Variants in PPP1R37 observed in about 807,000 individuals in gnomAD.
PPP1R37 encodes leucine rich repeat containing 68.
In PPP1R37, 21 loss-of-function variants were observed where a neutral mutation model predicts 61.0. The ratio of observed to expected loss-of-function variants is 0.34; its 90% CI spans 0.24 to 0.50. The LOEUF (loss-of-function observed/expected upper bound fraction) is 0.50. Ranked by LOEUF, PPP1R37 falls within the 20% of genes least tolerant of loss-of-function variation. The probability of loss-of-function intolerance (pLI) is 0.98; values close to 1 mark genes in which losing one functional copy is unlikely to be tolerated. For synonymous variants in PPP1R37, 443 were observed against 433.5 expected, an observed-to-expected ratio of 1.02 and a Z score of -0.27; for missense variants, 910 against 952.7, an observed-to-expected ratio of 0.96 and a Z score of 0.59.
At position 45,142,083 on chromosome 19, in the gene PPP1R37, A is replaced by T; in HGVS notation, c.590A>T (p.Asp197Val). 3 of 1,526,398 alleles carry T rather than the reference A, an allele frequency of 2.0e-6. No individual in the cohort carries two copies. The highest frequency in any genetic ancestry group is 2.6e-6 in the Non-Finnish European group (3 of 1,141,644). 94.6% of individuals were successfully genotyped at this position (1,526,398 alleles called of 1,614,324 possible). Residue 197 changes from aspartate (D) to valine (V), a missense_variant, in exon 6 of 13, where the codon GAC becomes GTC. Asp to Val is a radical substitution (Grantham distance 152). Transcript: ENST00000221462. Reference protein sequence around the residue: ...MRKTSCLQYLDARNTPLLDHS... With the variant: ...MRKTSCLQYLVARNTPLLDHS... ...CAGACGAGCTGCCTGCAGTATCTGG[A>T]CGCCCGCAACACGCCCCTGCTGGAC... is the stretch of plus-strand genomic sequence containing the variant.
intron 1 of PPP1R37, among the ~76,000 whole-genome samples, chr19:45,124,397 G>A (rs183475560): frequency 2.6e-5 from 4 of 152,228 alleles, no homozygotes; most frequent in Middle Eastern, 3.4e-3. Flanking sequence ...GGTCCAGATT[G>A]TCTATTTTTC....
chr19:45,102,341 T>C (rs1968074812), intron 1 of PPP1R37, among the ~76,000 whole-genome samples: 1 of 152,242 alleles, frequency 6.6e-6, no homozygotes. Context: ...GAAATGGCAG[T>C]AACCTGAGAG....
Position 45,146,596 on chromosome 19 carries a change from T to A in PPP1R37, c.*34T>A. On this transcript the variant is annotated 3_prime_UTR_variant, in exon 13 of 13. Transcript: ENST00000221462. ...TTCCCTTTTTCCGGTCGGTCTGCGA[T>A]GAGCTGAGGCCAGAGCCATGAGAAT... is the stretch of plus-strand genomic sequence containing the variant. 1 of 721,830 alleles carries A rather than the reference T, an allele frequency of 1.4e-6. No homozygotes were observed. The highest frequency in any genetic ancestry group is 1.7e-5 in the South Asian group (1 of 57,916). The allele number at this position is 721,830 out of a possible 1,614,324, so 44.7% of individuals were successfully genotyped here.
chr19:45,120,306 C>T (rs376232670), intron 1 of PPP1R37, among the ~76,000 whole-genome samples: 3 of 152,146 alleles, frequency 2.0e-5, no homozygotes, highest in East Asian at 1.9e-4. Context: ...CGTGAGCCAC[C>T]GCACCCGGCT....
chr19:45,107,653 G>C (rs1968149496), intron 1 of PPP1R37, among the ~76,000 whole-genome samples: 1 of 152,280 alleles, frequency 6.6e-6, no homozygotes, highest in South Asian at 2.1e-4. Flanking sequence ...TGAGTTGTGA[G>C]AGTTCTATAT....
Position 45,140,522 on chromosome 19 carries a change from C to T in PPP1R37, c.363C>T (p.Tyr121=), listed in dbSNP as rs138135939. The T allele has an allele frequency of 4.4e-4, 682 of 1,535,956 alleles. 1 individual carries two copies. In the African/African-American group the frequency reaches 7.9e-3, roughly 18 times the overall value. Reference sequence around the variant, plus strand: ...TCCCCCCAGGTGAGAAGCTTGACTACAAGACCTGTGAGGCCCTGGAAGAGG... The same window carrying T: ...TCCCCCCAGGTGAGAAGCTTGACTATAAGACCTGTGAGGCCCTGGAAGAGG... ...CLDLKGEKLD[Y]KTCEALEEVF... Residue 121 remains tyrosine, a synonymous_variant, in exon 4 of 13, where the codon TAC becomes TAT. Transcript: ENST00000221462.
chr19:45,140,045 G>C (rs1366012177), intron 2 of PPP1R37, among the ~76,000 whole-genome samples, 191 bp from the exon 3 acceptor site: 1 of 152,250 alleles, frequency 6.6e-6, no homozygotes, highest in Non-Finnish European at 1.5e-5. Flanking sequence ...TGTGGGTGCA[G>C]AGTTCTCTCG....
At chr19:45,134,450 C>A (rs1357021690) in intron 1 of PPP1R37, among the ~76,000 whole-genome samples, 1 of 152,116 alleles carries the variant, frequency 6.6e-6, no homozygotes, top group East Asian at 1.9e-4. Flanking sequence ...TCTGCCCATG[C>A]TGCTCTTTCT....
intron 5 of PPP1R37, 138 bp from the exon 6 acceptor site, chr19:45,141,923 G>A (rs1004268700): frequency 1.4e-5 from 14 of 975,152 alleles, no homozygotes; most frequent in East Asian, 5.6e-5. Context: ...ATAGCCAGAC[G>A]ACAGCTGTGG....
Position 45,142,124 on chromosome 19 carries a change from G to C in PPP1R37, c.631G>C (p.Val211Leu). The change falls in exon 6 of 13, where the codon GTG (valine) becomes CTG (leucine). Residue 211 changes from valine to leucine, a missense_variant. By Grantham distance (32) the Val-to-Leu change is conservative. Coordinates refer to ENST00000221462, the MANE Select transcript of PPP1R37 (RefSeq NM_019121.2). ...TPLLDHSAPF[V>L]ARALRIRSSL... Reference sequence around the variant, plus strand: ...CCTGCTGGACCACTCGGCGCCCTTCGTGGCCCGTGCCCTGCGCATCCGCAG... The same window carrying C: ...CCTGCTGGACCACTCGGCGCCCTTCCTGGCCCGTGCCCTGCGCATCCGCAG... The C allele has an allele frequency of 6.5e-7, 1 of 1,534,964 alleles. No individual in the cohort carries two copies. Among genetic ancestry groups the C allele is most frequent in the Non-Finnish European group, 8.7e-7 (1 of 1,146,432 alleles).
chr19:45,142,650 C>T, intron 7 of PPP1R37, 192 bp downstream of exon 7: 2 of 633,634 alleles, frequency 3.2e-6, no homozygotes, highest in East Asian at 2.8e-5. Context: ...GCTGGTGGAG[C>T]CCAGAGGCGG....
intron 1 of PPP1R37, among the ~76,000 whole-genome samples, chr19:45,123,436 A>G (rs920302587): frequency 6.6e-6 from 1 of 152,250 alleles, no homozygotes; most frequent in Non-Finnish European, 1.5e-5. Context: ...TCTCTCTGGC[A>G]GCCTCCCTGT....
intron 1 of PPP1R37, chr19:45,128,431 A>C: frequency 2.0e-6 from 1 of 511,458 alleles, no homozygotes; most frequent in Non-Finnish European, 3.5e-6. Context: ...TGATGCCTGC[A>C]GCTGTGTGTG....
chr19:45,138,160 G>A (rs1272539600), intron 1 of PPP1R37, among the ~76,000 whole-genome samples: 2 of 152,140 alleles, frequency 1.3e-5, no homozygotes, highest in African/African-American at 2.4e-5. Flanking sequence ...TTGGAGACAT[G>A]GTGGTGACCA....
intron 1 of PPP1R37, among the ~76,000 whole-genome samples, chr19:45,118,307 CAG>C (rs1276527260): frequency 2.6e-5 from 4 of 152,182 alleles, no homozygotes; most frequent in Non-Finnish European, 5.9e-5. Flanking sequence ...ACCTGTGTCA[CAG>C]GGCATCTGAG....
At chr19:45,110,115 T>TC (rs1336120651) in intron 1 of PPP1R37, among the ~76,000 whole-genome samples, 4 of 146,684 alleles carry the variant, frequency 2.7e-5, no homozygotes, top group African/African-American at 1.0e-4. Flanking sequence ...ATTCCCTTTT[T>TC]CTTTTTTTTT....
At chr19:45,105,452 G>A (rs972756221) in intron 1 of PPP1R37, among the ~76,000 whole-genome samples, 9 of 152,072 alleles carry the variant, frequency 5.9e-5, no homozygotes, top group Non-Finnish European at 1.3e-4. Context: ...GTAGGACACC[G>A]CACCATTTAG....
Position 45,145,074 on chromosome 19 carries a change from C to T in PPP1R37, c.1130-20C>T, listed in dbSNP as rs1334184676. The T allele has an allele frequency of 2.0e-6, 3 of 1,529,474 alleles. No homozygotes were observed. In the Admixed American group the frequency reaches 5.9e-5, roughly 30 times the overall value. 94.7% of individuals were successfully genotyped at this position (1,529,474 alleles called of 1,614,324 possible). ...AGCCGGGTGTGGGGCCCGTGGCCAG[C>T]CCCTGCGGTGCCCCCCCAGGCGCGG... On this transcript the variant is annotated intron_variant, in intron 9 of 12. Coordinates refer to ENST00000221462, the MANE Select transcript of PPP1R37 (RefSeq NM_019121.2).
At chr19:45,104,671 C>CT (rs77610688) in intron 1 of PPP1R37, among the ~76,000 whole-genome samples, 21,498 of 151,950 alleles carry the variant, frequency 0.14, 1,706 homozygotes, top group Non-Finnish European at 0.17. Flanking sequence ...TCACATCACA[C>CT]TTGTGACCTC....
Sources: allele counts gnomAD v4.1 joint callset (sites outside exome capture counted in the v4.1 genomes callset), GRCh38; gene constraint gnomAD v4.1.1; transcripts MANE v1.5; gene names NCBI Gene and HGNC (gene_info 2026-07-23, HGNC 2026-07-21).